MTIF2: variants seen among roughly 807,000 people sequenced by gnomAD.
MTIF2 encodes translation initiation factor IF-2, mitochondrial.
MTIF2 carries 71 observed loss-of-function variants against 83.5 expected under a neutral mutation model. The ratio of observed to expected loss-of-function variants is 0.85; its 90% CI spans 0.70 to 1.04. The LOEUF is 1.04. Ranked by LOEUF, MTIF2 falls within the 50% of genes least tolerant of loss-of-function variation. The pLI is 0.00. For synonymous variants in MTIF2, 319 were observed against 287.1 expected, an observed-to-expected ratio of 1.11 and a Z score of -1.12; for missense variants, 957 against 846.5, an observed-to-expected ratio of 1.13 and a Z score of -1.62.
At chr2:55,240,666 T>C (rs1476297658) in intron 13 of MTIF2, among the ~76,000 whole-genome samples, 1 of 152,206 alleles carries the variant, frequency 6.6e-6, no homozygotes, top group African/African-American at 2.4e-5. Flanking sequence ...GATGAAAGAA[T>C]TTTATAAACT....
rs374450362 is a variant in MTIF2 at position 55,254,175 on chromosome 2, G to T, written c.530C>A (p.Thr177Asn). ...RRPQADPALL[T>N]PRSPVVTIMG... ...TATAGTAACAACTGGGGACCTTGGG[G>T]TTAATAAAGCTGGATCTGCCTGGGG... The change falls in exon 7 of 16, where the codon ACC becomes AAC. Residue 177 changes from threonine (T) to asparagine (N), a missense_variant. Physicochemically the swap from Thr to Asn is moderately conservative, Grantham distance 65 (BLOSUM62 0). Coordinates refer to ENST00000263629, the MANE Select transcript of MTIF2 (RefSeq NM_002453.3). The T allele has an allele frequency of 6.2e-7, 1 of 1,613,896 alleles. No homozygotes were observed. Among genetic ancestry groups the T allele is most frequent in the African/African-American group, 1.3e-5 (1 of 74,934 alleles).
At chr2:55,264,444 C>G (rs1234255849) in intron 3 of MTIF2, among the ~76,000 whole-genome samples, 1 of 152,126 alleles carries the variant, frequency 6.6e-6, no homozygotes, top group Non-Finnish European at 1.5e-5. Context: ...ACCACATTGT[C>G]TAGGTTAGTC....
At chr2:55,264,474 T>C (rs1250983209) in intron 3 of MTIF2, among the ~76,000 whole-genome samples, 2 of 152,178 alleles carry the variant, frequency 1.3e-5, no homozygotes, top group African/African-American at 4.8e-5. Flanking sequence ...CGGGATCTAG[T>C]GATCCACCTT....
intron 13 of MTIF2, among the ~76,000 whole-genome samples, chr2:55,242,429 T>C (rs1183555559): frequency 6.6e-6 from 1 of 152,196 alleles, no homozygotes; most frequent in Admixed American, 6.5e-5. Flanking sequence ...GTATCATAAA[T>C]TCAACTAATA....
chr2:55,251,582 G>C (rs1397866772), intron 8 of MTIF2, among the ~76,000 whole-genome samples: 1 of 152,098 alleles, frequency 6.6e-6, no homozygotes, highest in East Asian at 1.9e-4. Context: ...TCTCAGTAAG[G>C]GTAGGGGTAC....
chr2:55,255,107 G>C (rs1378527337), intron 5 of MTIF2, among the ~76,000 whole-genome samples: 1 of 151,634 alleles, frequency 6.6e-6, no homozygotes, highest in Non-Finnish European at 1.5e-5. Context: ...GATAAATTTA[G>C]TATTTATAAT....
At chr2:55,254,317 G>C (rs1677345356) in intron 6 of MTIF2, 116 bp from the exon 7 acceptor site, 5 of 1,179,410 alleles carry the variant, frequency 4.2e-6, no homozygotes, top group Admixed American at 5.5e-5. Context: ...CCAATATTCA[G>C]TGTGGATTAG....
At chr2:55,253,066 G>C (rs1677226297) in intron 7 of MTIF2, among the ~76,000 whole-genome samples, 1 of 152,116 alleles carries the variant, frequency 6.6e-6, no homozygotes, top group Admixed American at 6.6e-5. Context: ...CATTGACCTT[G>C]GGTTTAAATC....
At chr2:55,240,379 A>C (rs1340084381) in intron 13 of MTIF2, among the ~76,000 whole-genome samples, 1 of 152,222 alleles carries the variant, frequency 6.6e-6, no homozygotes, top group Non-Finnish European at 1.5e-5. Flanking sequence ...TCAGGAGTTC[A>C]AGACCAGCCT....
In MTIF2 at chr2:55,257,387, A is replaced by C. The variant is rs898487291; in HGVS notation, c.332-2562T>G. 2.6e-5 allele frequency among the ~76,000 whole-genome samples: 4 copies of C among 152,302 alleles called. No homozygotes were observed. In the East Asian group the frequency reaches 7.7e-4, roughly 29 times the overall value. On this transcript the variant is annotated intron_variant, in intron 5 of 15. Transcript: ENST00000263629. ...TCCCAGCTGCTCCAGAGGTTAAAGC[A>C]GGAGACTCTCTTGAACCCGGGAGGC...
At position 55,254,022 on chromosome 2, in the gene MTIF2, A is replaced by C. The variant is rs752249422; in HGVS notation, c.664+19T>G. On this transcript the variant is annotated intron_variant, in intron 7 of 15. Coordinates refer to ENST00000263629, the MANE Select transcript of MTIF2 (RefSeq NM_002453.3). Reference sequence around the variant, plus strand: ...AAGTGGGGTTCCCAAGCACATTGTAAGGTAATTTGTGTTCATACCAAGAAA... The same window carrying C: ...AAGTGGGGTTCCCAAGCACATTGTACGGTAATTTGTGTTCATACCAAGAAA... The C allele has an allele frequency of 1.5e-5, 24 of 1,612,026 alleles. No individual in the cohort carries two copies. Among genetic ancestry groups the C allele is most frequent in the Non-Finnish European group, 2.0e-5 (24 of 1,178,858 alleles).
chr2:55,238,939 T>G (rs933496239), intron 14 of MTIF2, among the ~76,000 whole-genome samples: 1 of 152,200 alleles, frequency 6.6e-6, no homozygotes, highest in African/African-American at 2.4e-5. Flanking sequence ...AAATCTGTTA[T>G]GTAGACCAAA....
At chr2:55,239,847 G>A (rs1231899967) in intron 14 of MTIF2, among the ~76,000 whole-genome samples, 164 bp downstream of exon 14, 1 of 152,148 alleles carries the variant, frequency 6.6e-6, no homozygotes, top group African/African-American at 2.4e-5. Context: ...CAGGGCAGGT[G>A]TTTACATAAG....
intron 8 of MTIF2, 113 bp downstream of exon 8, chr2:55,252,364 G>A (rs1677159610): frequency 1.1e-6 from 1 of 889,832 alleles, no homozygotes; most frequent in South Asian, 1.6e-5. Flanking sequence ...AGGCTTATCT[G>A]TAATACACGT....
At chr2:55,262,541 C>CTT (rs66500251) in intron 4 of MTIF2, 114 bp from the exon 5 acceptor site, 14,268 of 281,624 alleles carry the variant, frequency 0.051, 33 homozygotes, top group South Asian at 0.063. Context: ...CTTTTTTTTT[C>CTT]TTTTTTTTTT....
chr2:55,246,181 A>G (rs1473036250), intron 10 of MTIF2, among the ~76,000 whole-genome samples, 156 bp downstream of exon 10: 18 of 152,244 alleles, frequency 1.2e-4, no homozygotes, highest in Non-Finnish European at 1.5e-5. Context: ...GTGTTCTTGT[A>G]TTAGTACAAA....
At chr2:55,253,954 T>C (rs1466807747) in intron 7 of MTIF2, 87 bp downstream of exon 7, 1 of 1,401,372 alleles carries the variant, frequency 7.1e-7, no homozygotes, top group Non-Finnish European at 9.8e-7. Flanking sequence ...TCTTGTACTT[T>C]GAATTTGTAT....
At chr2:55,251,699 C>T (rs1677105714) in intron 8 of MTIF2, among the ~76,000 whole-genome samples, 2 of 152,216 alleles carry the variant, frequency 1.3e-5, no homozygotes, top group Non-Finnish European at 2.9e-5. Context: ...TCTCGGCTCA[C>T]CACTACCTCC....
intron 15 of MTIF2, 35 bp downstream of exon 15, chr2:55,237,253 G>A (rs754199392): frequency 4.3e-5 from 68 of 1,590,682 alleles, no homozygotes; most frequent in Non-Finnish European, 5.6e-5. Flanking sequence ...TTGGTGACTG[G>A]ATATGCTATT....
Sources: allele counts gnomAD v4.1 joint callset (sites outside exome capture counted in the v4.1 genomes callset), GRCh38; gene constraint gnomAD v4.1.1; transcripts MANE v1.5; gene names NCBI Gene and HGNC (gene_info 2026-07-23, HGNC 2026-07-21).